The following ARHGDIB variants were observed in gnomAD, a reference collection of about 807,000 sequenced individuals.
The protein encoded by ARHGDIB is rho GDP-dissociation inhibitor 2.
In ARHGDIB, 20 loss-of-function variants were observed where a neutral mutation model predicts 22.6. The ratio of observed to expected loss-of-function variants is 0.88; its 90% CI spans 0.62 to 1.28. ARHGDIB has a LOEUF of 1.28. ARHGDIB is among the 50% of genes most tolerant of loss of function. The pLI, the probability that ARHGDIB is intolerant of heterozygous loss-of-function variation, is 0.00. For missense variants in ARHGDIB, 254 were observed against 245.4 expected (o/e 1.04, Z -0.23); for synonymous variants, 114 against 96.1 (o/e 1.19, Z -1.09).
At position 14,942,691 on chromosome 12, in the gene ARHGDIB, T is replaced by C. The variant is rs1261966273; in HGVS notation, c.437A>G (p.Tyr146Cys). The C allele has an allele frequency of 6.2e-7, 1 of 1,614,098 alleles. No individual in the cohort carries two copies. The highest frequency in any genetic ancestry group is 8.5e-7 in the Non-Finnish European group (1 of 1,180,008). The change falls in exon 6 of 6, where the codon TAT becomes TGT. Residue 146 changes from tyrosine to cysteine, a missense_variant. Transcript: ENST00000228945. ...CTCATACTCCTCAGGCCGAGGTCCA[T>C]AGCTGCCAACCATAAATGTTGCTTT... ...VDKATFMVGS[Y>C]GPRPEEYEFL...
chr12:14,950,771 A>G, intron 1 of ARHGDIB, 47 bp from the exon 2 acceptor site: 1 of 1,507,230 alleles, frequency 6.6e-7, no homozygotes, highest in South Asian at 1.3e-5. Context: ...CATGAATATA[A>G]AAGATGTTAG....
chr12:14,958,972 C>T (rs1273533001), intron 1 of ARHGDIB, among the ~76,000 whole-genome samples: 1 of 152,168 alleles, frequency 6.6e-6, no homozygotes, highest in Non-Finnish European at 1.5e-5. Flanking sequence ...GGAATAAGAA[C>T]TCTCAAAATA....
chr12:14,942,616 G>T lies in ARHGDIB; in HGVS notation c.512C>A (p.Thr171Lys). The T allele has an allele frequency of 6.2e-7, 1 of 1,614,148 alleles. No individual in the cohort carries two copies. ...EAPKGMLARGTYHNKSFFTDD... is the reference protein window; with the variant it reads ...EAPKGMLARGKYHNKSFFTDD... ...GGTGAAGAAGGACTTGTTGTGGTAC[G>T]TGCCTCGCGCCAGCATGCCCTTGGG... The change falls in exon 6 of 6, where the codon ACG becomes AAG. Residue 171 changes from threonine to lysine, a missense_variant. Physicochemically the swap from Thr to Lys is moderately conservative, Grantham distance 78. Coordinates refer to ENST00000228945, the MANE Select transcript of ARHGDIB (RefSeq NM_001175.7).
chr12:14,950,818 C>T, intron 1 of ARHGDIB, 94 bp from the exon 2 acceptor site: 4 of 915,774 alleles, frequency 4.4e-6, no homozygotes, highest in South Asian at 2.0e-5. Flanking sequence ...CCCTCATGGA[C>T]TTCTCTGATC....
At chr12:14,951,033 C>T (rs1374455463) in intron 1 of ARHGDIB, 1 of 184,592 alleles carries the variant, frequency 5.4e-6, no homozygotes, top group Non-Finnish European at 1.1e-5. Context: ...GGCACAAAGA[C>T]TCCTGAACAA....
In ARHGDIB at chr12:14,947,936, G is replaced by T. The variant is rs1186029129; in HGVS notation, c.279C>A (p.Ala93=). 1.2e-6 allele frequency: 2 copies of T among 1,611,864 alleles called. No individual in the cohort carries two copies. The highest frequency in any genetic ancestry group is 2.2e-5 in the South Asian group (2 of 91,012). The part of the protein sequence containing the change: ...ITMDLTGDLE[A]LKKETIVLKE... ...TTAACACAATGGTTTCCTTTTTGAG[G>T]GCTTCCAGATCTCCTGTAGAAGAAG... Residue 93 remains alanine (A), a synonymous_variant, in exon 4 of 6, where the codon GCC becomes GCA. Transcript: ENST00000228945.
At chr12:14,956,964 T>C (rs1429654878) in intron 1 of ARHGDIB, among the ~76,000 whole-genome samples, 7 of 152,216 alleles carry the variant, frequency 4.6e-5, no homozygotes, top group African/African-American at 1.7e-4. Flanking sequence ...CACTTAAAAA[T>C]TTACACCCAT....
chr12:14,949,706 T>G, intron 3 of ARHGDIB, 96 bp downstream of exon 3: 2 of 1,070,330 alleles, frequency 1.9e-6, no homozygotes, highest in Non-Finnish European at 2.9e-6. Context: ...ATCTCTCTGA[T>G]TCACCAGTTT....
At chr12:14,948,007 A>G in intron 3 of ARHGDIB, 58 bp from the exon 4 acceptor site, 1 of 1,467,182 alleles carries the variant, frequency 6.8e-7, no homozygotes, top group Non-Finnish European at 9.5e-7. Context: ...AAGTTAATAA[A>G]TGACTTTTAA....
Position 14,944,666 on chromosome 12 carries a change from G to A in ARHGDIB, c.406+110C>T, listed in dbSNP as rs543410729. ...CCTTTTCCTAGAGCCGGCATCCACA[G>A]CTTTTATTGTATTCTCATCTGAGTC... On this transcript the variant is annotated intron_variant, in intron 5 of 5. Transcript: ENST00000228945. 38 of 1,052,810 alleles carry A rather than the reference G, an allele frequency of 3.6e-5. No homozygotes were observed. The African/African-American group carries it at 4.5e-4, about 12-fold the overall frequency. 65.2% of individuals were successfully genotyped at this position (1,052,810 alleles called of 1,614,324 possible).
intron 4 of ARHGDIB, among the ~76,000 whole-genome samples, chr12:14,946,624 T>C (rs1864021235): frequency 6.6e-6 from 1 of 152,076 alleles, no homozygotes; most frequent in African/African-American, 2.4e-5. Context: ...TCCTGCATCA[T>C]CCTAATGTGT....
At chr12:14,945,350 A>C (rs1259760911) in intron 4 of ARHGDIB, among the ~76,000 whole-genome samples, 1 of 152,268 alleles carries the variant, frequency 6.6e-6, no homozygotes, top group African/African-American at 2.4e-5. Context: ...GATGGCTGTG[A>C]CTGCAATATA....
chr12:14,943,099 C>T (rs948873826), intron 5 of ARHGDIB, among the ~76,000 whole-genome samples: 1 of 152,084 alleles, frequency 6.6e-6, no homozygotes, highest in African/African-American at 2.4e-5. Context: ...AACTACCAAC[C>T]TCAGGTGATC....
chr12:14,954,261 C>T, intron 1 of ARHGDIB, among the ~76,000 whole-genome samples: 1 of 152,114 alleles, frequency 6.6e-6, no homozygotes, highest in East Asian at 1.9e-4. Context: ...TTACAGGTGC[C>T]TGGGCAGAAG....
At chr12:14,959,248 G>A (rs772388294) in intron 1 of ARHGDIB, among the ~76,000 whole-genome samples, 4 of 152,090 alleles carry the variant, frequency 2.6e-5, no homozygotes, top group African/African-American at 4.8e-5. Context: ...GAGAAACCCC[G>A]TCTCTACTAA....
rs564632438 is a variant in ARHGDIB, at chr12:14,956,879, T to C, written c.-13+4658A>G. 2.7e-4 allele frequency among the ~76,000 whole-genome samples: 41 copies of C among 152,356 alleles called. 1 individual carries two copies. In the South Asian group the frequency reaches 7.2e-3, roughly 27 times the overall value. ...TAAATTAGGATGGTTACTCACAGCATGCATATGACATAGCACACATCAATG... is the reference window on the plus strand; with the variant it reads ...TAAATTAGGATGGTTACTCACAGCACGCATATGACATAGCACACATCAATG... On this transcript the variant is annotated intron_variant, in intron 1 of 5. Transcript: ENST00000228945.
chr12:14,949,683 T>A lies in ARHGDIB; in HGVS notation c.265+119A>T, dbSNP rs1864120373. On this transcript the variant is annotated intron_variant, in intron 3 of 5. Coordinates refer to ENST00000228945, the MANE Select transcript of ARHGDIB (RefSeq NM_001175.7). Reference sequence around the variant, plus strand: ...CTAAGAGCAATGATTTGTTAACTGGTCCTAGCATATATATCTCTCTGATTC... The same window carrying A: ...CTAAGAGCAATGATTTGTTAACTGGACCTAGCATATATATCTCTCTGATTC... 8 of 869,044 alleles carry A rather than the reference T, an allele frequency of 9.2e-6. No individual in the cohort carries two copies. The East Asian group carries it at 1.8e-4, about 20-fold the overall frequency. 53.8% of individuals were successfully genotyped at this position (869,044 alleles called of 1,614,324 possible).
chr12:14,957,454 G>A (rs1051232461), intron 1 of ARHGDIB, among the ~76,000 whole-genome samples: 2 of 152,186 alleles, frequency 1.3e-5, no homozygotes, highest in African/African-American at 4.8e-5. Context: ...CTTAAAAATA[G>A]ATTTTTGTCT....
rs938926139 is a variant in ARHGDIB at position 14,950,741 on chromosome 12, C to T, written c.-12-17G>A. On this transcript the variant is annotated splice_polypyrimidine_tract_variant and intron_variant, in intron 1 of 5. Transcript: ENST00000228945. ...GATCTATTTCTGGGAGACAGAATGACAGCCCGTTAGTCAACAAGTCATGAA... is the reference window on the plus strand; with the variant it reads ...GATCTATTTCTGGGAGACAGAATGATAGCCCGTTAGTCAACAAGTCATGAA... 3.2e-6 allele frequency: 5 copies of T among 1,570,382 alleles called. No individual in the cohort carries two copies. The highest frequency in any genetic ancestry group is 4.3e-6 in the Non-Finnish European group (5 of 1,162,876).
Sources: allele counts gnomAD v4.1 joint callset (sites outside exome capture counted in the v4.1 genomes callset), GRCh38; gene constraint gnomAD v4.1.1; transcripts MANE v1.5; gene names NCBI Gene and HGNC (gene_info 2026-07-23, HGNC 2026-07-21).